Variants in PRKCQ observed in about 807,000 individuals in gnomAD.
PRKCQ encodes protein kinase C theta type.
In PRKCQ, 41 loss-of-function variants were observed where a neutral mutation model predicts 91.2. That is an observed-to-expected ratio of 0.45 (90% confidence interval 0.35 to 0.58). The LOEUF is 0.58. Ranked by LOEUF, PRKCQ falls within the 20% of genes least tolerant of loss-of-function variation. The probability of loss-of-function intolerance (pLI) is 0.00; values close to 1 mark genes in which losing one functional copy is unlikely to be tolerated. For synonymous variants in PRKCQ, 307 were observed against 316.9 expected (o/e 0.97, Z 0.33); for missense variants, 673 against 896.5 (o/e 0.75, Z 3.18).
intron 15 of PRKCQ, among the ~76,000 whole-genome samples, chr10:6,447,725 G>A (rs964778041): frequency 2.0e-5 from 3 of 152,188 alleles, no homozygotes; most frequent in African/African-American, 7.2e-5. Context: ...CCCAGCAGTT[G>A]TGTGTTCCTG....
chr10:6,529,854 C>T (rs1169762133), intron 1 of PRKCQ, among the ~76,000 whole-genome samples: 1 of 152,112 alleles, frequency 6.6e-6, no homozygotes, highest in Non-Finnish European at 1.5e-5. Context: ...ATGGAAAATG[C>T]GTATGACAGT....
At chr10:6,508,732 G>T (rs1342401345) in intron 3 of PRKCQ, among the ~76,000 whole-genome samples, 1 of 152,182 alleles carries the variant, frequency 6.6e-6, no homozygotes, top group Non-Finnish European at 1.5e-5. Context: ...AATGAAAATT[G>T]GCACCAGGTG....
intron 15 of PRKCQ, among the ~76,000 whole-genome samples, chr10:6,445,470 T>C (rs562225085): frequency 2.4e-4 from 37 of 152,330 alleles, no homozygotes; most frequent in African/African-American, 8.9e-4. Context: ...CCTTCTTGTT[T>C]GTGAAAAACG....
At chr10:6,426,251 C>T (rs1170800255), downstream of PRKCQ, among the ~76,000 whole-genome samples, 1 of 152,146 alleles carries the variant, frequency 6.6e-6, no homozygotes, top group Non-Finnish European at 1.5e-5. Flanking sequence ...TGAGACGGGA[C>T]TTTAGACAGC....
chr10:6,552,793 A>G (rs1840241870), intron 1 of PRKCQ, among the ~76,000 whole-genome samples: 1 of 152,150 alleles, frequency 6.6e-6, no homozygotes, highest in Admixed American at 6.5e-5. Flanking sequence ...GAATTATTTT[A>G]TTCTCTTAAA....
At chr10:6,534,778 A>ATATC (rs1554780276) in intron 1 of PRKCQ, among the ~76,000 whole-genome samples, 1 of 70,542 alleles carries the variant, frequency 1.4e-5, no homozygotes, top group African/African-American at 2.9e-5. Context: ...ATATATCTAT[A>ATATC]TATATATATA....
At chr10:6,557,589 C>G (rs1304531420) in intron 1 of PRKCQ, among the ~76,000 whole-genome samples, 2 of 152,080 alleles carry the variant, frequency 1.3e-5, no homozygotes, top group African/African-American at 4.8e-5. Context: ...CATTTCTGGT[C>G]AATCTCATCT....
At chr10:6,435,722 A>G (rs1344108779) in intron 16 of PRKCQ, among the ~76,000 whole-genome samples, 1 of 152,322 alleles carries the variant, frequency 6.6e-6, no homozygotes, top group East Asian at 1.9e-4. Context: ...AAATCACAAA[A>G]AATGTCGTAA....
At chr10:6,467,122 C>A (rs1046579776) in intron 12 of PRKCQ, among the ~76,000 whole-genome samples, 2 of 152,030 alleles carry the variant, frequency 1.3e-5, no homozygotes, top group African/African-American at 4.8e-5. Context: ...AATTTAAAAG[C>A]CAGGAAAGAC....
At chr10:6,396,306 T>C in the PRKCQ span, among the ~76,000 whole-genome samples, 1 of 152,292 alleles carries the variant, frequency 6.6e-6, no homozygotes, top group African/African-American at 2.4e-5. Context: ...CAGCGTAACA[T>C]TTACCCTTTT....
At chr10:6,475,823 A>G (rs539378252) in intron 12 of PRKCQ, among the ~76,000 whole-genome samples, 9 of 152,368 alleles carry the variant, frequency 5.9e-5, no homozygotes, top group Admixed American at 5.2e-4. Context: ...CAAAAACAAC[A>G]ACTCGGGGTG....
At chr10:6,462,894 A>T (rs1349042921) in intron 13 of PRKCQ, among the ~76,000 whole-genome samples, 1 of 151,886 alleles carries the variant, frequency 6.6e-6, no homozygotes, top group Non-Finnish European at 1.5e-5. Context: ...AGCCCCATCT[A>T]CTCAGGAAGC....
chr10:6,444,275 G>T (rs537584857), intron 15 of PRKCQ, among the ~76,000 whole-genome samples: 1 of 152,044 alleles, frequency 6.6e-6, no homozygotes. Context: ...TTCACATGTT[G>T]ATCAGGCTGG....
intron 12 of PRKCQ, among the ~76,000 whole-genome samples, chr10:6,467,347 G>GACAGAC (rs1835720946): frequency 7.6e-6 from 1 of 132,448 alleles, no homozygotes; most frequent in African/African-American, 2.6e-5. Context: ...GAGAGAGAGA[G>GACAGAC]AGAGAGAGAC....
At chr10:6,484,227 G>A (rs11593690) in intron 10 of PRKCQ, among the ~76,000 whole-genome samples, 17,594 of 152,152 alleles carry the variant, frequency 0.12, 1,137 homozygotes, top group Non-Finnish European at 0.14. Context: ...CAGCCTGGGC[G>A]ACATGGTGAA....
chr10:6,540,967 A>G (rs4748138), intron 1 of PRKCQ, among the ~76,000 whole-genome samples: 139,603 of 152,246 alleles, frequency 0.92, 64,486 homozygotes, highest in East Asian at 1. Flanking sequence ...TTTCCCTACT[A>G]AGGAAGGGTG....
intron 14 of PRKCQ, among the ~76,000 whole-genome samples, chr10:6,458,843 C>T (rs1835170567): frequency 6.6e-6 from 1 of 152,198 alleles, no homozygotes; most frequent in African/African-American, 2.4e-5. Context: ...CTTCTTAGTT[C>T]TAATACTCTA....
chr10:6,419,631 G>C, the PRKCQ span, among the ~76,000 whole-genome samples: 1 of 150,536 alleles, frequency 6.6e-6, no homozygotes, highest in African/African-American at 2.4e-5. Flanking sequence ...TTATTAATAT[G>C]CTTGGGTTTC....
At chr10:6,567,963 T>A (rs1171700118) in intron 1 of PRKCQ, among the ~76,000 whole-genome samples, 1 of 152,180 alleles carries the variant, frequency 6.6e-6, no homozygotes, top group African/African-American at 2.4e-5. Context: ...CTGGGCGTGG[T>A]GGCTCTCGCC....
Sources: allele counts gnomAD v4.1 joint callset (sites outside exome capture counted in the v4.1 genomes callset), GRCh38; gene constraint gnomAD v4.1.1; transcripts MANE v1.5; gene names NCBI Gene and HGNC (gene_info 2026-07-23, HGNC 2026-07-21).